SBNO2: variants seen among roughly 807,000 people sequenced by gnomAD.
SBNO2 encodes the protein strawberry notch homolog 2.
A neutral mutation model predicts 146.3 loss-of-function variants in SBNO2; 89 were observed. That is an observed-to-expected ratio of 0.61 (90% confidence interval 0.51 to 0.73). SBNO2 has a LOEUF of 0.73. Among genes scored for constraint, SBNO2 ranks in the 30% least tolerant of loss-of-function variants. The pLI is 0.00. For missense variants in SBNO2, 2,092 were observed against 2,003.7 expected, an observed-to-expected ratio of 1.04 and a Z score of -0.84; for synonymous variants, 1,147 against 892.6, an observed-to-expected ratio of 1.29 and a Z score of -5.08.
At position 1,171,303 on chromosome 19, in the gene SBNO2, C is replaced by T. The variant is rs548331234; in HGVS notation, c.-127+2869G>A. On this transcript the variant is annotated intron_variant, in intron 1 of 31. Coordinates refer to ENST00000361757, the MANE Select transcript of SBNO2 (RefSeq NM_014963.3). Reference sequence around the variant, plus strand: ...CCGTACGACGCACACACAGAATGCACGTGCGTACGTACAATGCACACAAAG... The same window carrying T: ...CCGTACGACGCACACACAGAATGCATGTGCGTACGTACAATGCACACAAAG... 7.9e-5 allele frequency among the ~76,000 whole-genome samples: 12 copies of T among 152,142 alleles called. No homozygotes were observed. In the East Asian group the frequency reaches 2.3e-3, roughly 29 times the overall value.
At chr19:1,127,542 T>C (rs762802653) in intron 5 of SBNO2, 62 bp downstream of exon 5, 1 of 1,516,200 alleles carries the variant, frequency 6.6e-7, no homozygotes. Context: ...ACCGTGTGGG[T>C]CCCGGGCTGG....
Position 1,108,510 on chromosome 19 carries a change from G to T in SBNO2, c.3811C>A (p.Pro1271Thr). 1 of 1,219,044 alleles carries T rather than the reference G, an allele frequency of 8.2e-7. No individual in the cohort carries two copies. The highest frequency in any genetic ancestry group is 1.0e-6 in the Non-Finnish European group (1 of 977,054). 75.5% of individuals were successfully genotyped at this position (1,219,044 alleles called of 1,614,324 possible). ...YSPPAEAFPP[P>T]PHFSFPAPLS... is the part of the protein sequence containing the mutation. ...GGCGCCGGGAAAGAGAAGTGCGGGG[G>T]CGGCGGGAAGGCCTCGGCCGGGGGG... Residue 1271 changes from proline to threonine, a missense_variant, in exon 32 of 32, where the codon CCC becomes ACC. Pro to Thr is a conservative substitution (Grantham distance 38). Transcript: ENST00000361757.
In SBNO2 at chr19:1,123,552, C is replaced by T. The variant is rs778405652; in HGVS notation, c.610G>A (p.Asp204Asn). 11 of 1,613,338 alleles carry T rather than the reference C, an allele frequency of 6.8e-6. No homozygotes were observed. Among genetic ancestry groups the T allele is most frequent in the African/African-American group, 2.7e-5 (2 of 74,904 alleles). The change falls in exon 7 of 32, where the codon GAC (aspartate) becomes AAC (asparagine). Residue 204 changes from aspartate to asparagine, a missense_variant. Coordinates refer to ENST00000361757, the MANE Select transcript of SBNO2 (RefSeq NM_014963.3). ...CACTCACACTTGGACGGCACGTAGTCGGCGTAGGTCTCTGTGTGCCCCAGC... is the reference window on the plus strand; with the variant it reads ...CACTCACACTTGGACGGCACGTAGTTGGCGTAGGTCTCTGTGTGCCCCAGC... ...EELGHTETYA[D>N]YVPSKSKIGK...
intron 13 of SBNO2, 46 bp downstream of exon 13, chr19:1,119,470 T>TCCCCCCCCCC: frequency 7.5e-7 from 1 of 1,333,212 alleles, no homozygotes; most frequent in Non-Finnish European, 1.1e-6. Context: ...TGAGGCCTCC[T>TCCCCCCCCCC]CCCCACCCCC....
intron 17 of SBNO2, 88 bp downstream of exon 17, chr19:1,115,933 G>A (rs1453896580): frequency 4.7e-6 from 5 of 1,064,452 alleles, no homozygotes; most frequent in Middle Eastern, 2.0e-4. Context: ...GGACGGGGGA[G>A]TGGGGGAAGC....
intron 2 of SBNO2, 95 bp downstream of exon 2, chr19:1,154,089 G>T: frequency 1.8e-6 from 1 of 548,380 alleles, no homozygotes; most frequent in Non-Finnish European, 2.7e-6. Flanking sequence ...GCGTCCACTG[G>T]GGCAGCATTC....
intron 1 of SBNO2, among the ~76,000 whole-genome samples, chr19:1,162,792 G>A (rs2080362080): frequency 1.3e-5 from 2 of 152,194 alleles, no homozygotes; most frequent in South Asian, 4.1e-4. Context: ...TAGCCCATGT[G>A]AGGACCCTGT....
At chr19:1,164,960 G>A (rs2080397943) in intron 1 of SBNO2, among the ~76,000 whole-genome samples, 1 of 151,702 alleles carries the variant, frequency 6.6e-6, no homozygotes, top group Non-Finnish European at 1.5e-5. Flanking sequence ...GGAACAGGAG[G>A]AGGAGGAGGA....
chr19:1,108,307 CCCCGCG>C lies in SBNO2; in HGVS notation c.4008_4013del (p.Ala1339_Gly1340del), dbSNP rs1599815969. 3 of 1,462,890 alleles carry C rather than the reference CCCCGCG, an allele frequency of 2.1e-6. No homozygotes were observed. The highest frequency in any genetic ancestry group is 1.3e-5 in the South Asian group (1 of 78,116). 90.6% of individuals were successfully genotyped at this position (1,462,890 alleles called of 1,614,324 possible). Reference sequence around the variant, plus strand: ...GACCACCGCCCGCCGCGCCCCCCGCCCCCGCGCCCTCCCCCAGCGCGCCCTCGGAGG... The same window carrying C: ...GACCACCGCCCGCCGCGCCCCCCGCCCCCTCCCCCAGCGCGCCCTCGGAGG... On this transcript the variant is annotated inframe_deletion, in exon 32 of 32. Transcript: ENST00000361757.
In SBNO2 at chr19:1,110,563, TGGGATGCCCGGCGTTCCCACGAGCCCC is replaced by T; in HGVS notation, c.3028+155_3028+181del. The T allele has an allele frequency of 4.0e-6, 2 of 504,404 alleles. No individual in the cohort carries two copies. Among genetic ancestry groups the T allele is most frequent in the Non-Finnish European group, 6.2e-6 (2 of 324,336 alleles). 31.2% of individuals were successfully genotyped at this position (504,404 alleles called of 1,614,324 possible). A position where few individuals can be genotyped will look rare whatever the true frequency, so the allele number is the denominator to read the frequency against. On this transcript the variant is annotated intron_variant, in intron 26 of 31. Transcript: ENST00000361757. The surrounding 1 kb of genome is among the most constrained non-coding windows in gnomAD (Gnocchi z 4.9). The stretch of plus-strand genomic sequence containing the variant: ...TGTTCCCACGAGCCCCGAGCCCACC[TGGGATGCCCGGCGTTCCCACGAGCCCC>T]TCGCCCACCCGGGATGCACGGTGTT...
Position 1,108,290 on chromosome 19 carries a change from C to A in SBNO2, c.4031G>T (p.Gly1344Val). 1 of 1,497,912 alleles carries A rather than the reference C, an allele frequency of 6.7e-7. No homozygotes were observed. The highest frequency in any genetic ancestry group is 8.9e-7 in the Non-Finnish European group (1 of 1,120,952). 92.8% of individuals were successfully genotyped at this position (1,497,912 alleles called of 1,614,324 possible). Reference sequence around the variant, plus strand: ...CACGCTCTGCCGCTCGGGACCACCGCCCGCCGCGCCCCCCGCCCCCGCGCC... The same window carrying A: ...CACGCTCTGCCGCTCGGGACCACCGACCGCCGCGCCCCCCGCCCCCGCGCC... ...GEGAGAGGAA[G>V]GGPERQSVIQ... is the part of the protein sequence containing the mutation. Residue 1344 changes from glycine to valine, a missense_variant, in exon 32 of 32, where the codon GGC (glycine) becomes GTC (valine). Gly to Val is a moderately radical substitution (Grantham distance 109). Coordinates refer to ENST00000361757, the MANE Select transcript of SBNO2 (RefSeq NM_014963.3).
chr19:1,142,379 C>T (rs972220927), intron 4 of SBNO2, among the ~76,000 whole-genome samples: 5 of 151,640 alleles, frequency 3.3e-5, no homozygotes, highest in African/African-American at 9.7e-5. Context: ...TGCCCGGGTC[C>T]ACGGCTCATC....
intron 19 of SBNO2, 96 bp downstream of exon 19, chr19:1,113,439 C>T: frequency 9.0e-7 from 1 of 1,112,466 alleles, no homozygotes; most frequent in Non-Finnish European, 1.2e-6. Context: ...CGCAGAGTGA[C>T]CAGCAGGGGC....
chr19:1,113,002 G>T (rs982282012), intron 19 of SBNO2, 53 bp from the exon 20 acceptor site: 42 of 1,511,212 alleles, frequency 2.8e-5, no homozygotes, highest in Non-Finnish European at 3.7e-5. Context: ...CCTCGCAGGA[G>T]TCTGGCCACC....
At chr19:1,122,610 TCCGCCCCCCACCCCCGCTC>T (rs2079915481) in intron 9 of SBNO2, 29 bp downstream of exon 9, 4 of 695,300 alleles carry the variant, frequency 5.8e-6, no homozygotes, top group African/African-American at 2.3e-5. Flanking sequence ...GCCCCCCGCT[TCCGCCCCCCACCCCCGCTC>T]CCGCCCCCTG....
chr19:1,154,348 G>T lies in SBNO2; in HGVS notation c.-72C>A, dbSNP rs2080269655. ...GACTCCAGGACCCGGGGCCGCCGGGGCGTCTATCTGGGCTTCTCGCTCCGT... is the reference window on the plus strand; with the variant it reads ...GACTCCAGGACCCGGGGCCGCCGGGTCGTCTATCTGGGCTTCTCGCTCCGT... On this transcript the variant is annotated 5_prime_UTR_variant, in exon 2 of 32. Transcript: ENST00000361757. The T allele has an allele frequency of 3.6e-6, 3 of 828,094 alleles. No individual in the cohort carries two copies. The highest frequency in any genetic ancestry group is 4.9e-6 in the Non-Finnish European group (3 of 618,268). The allele number at this position is 828,094 out of a possible 1,614,324, so 51.3% of individuals were successfully genotyped here. A position where few individuals can be genotyped will look rare whatever the true frequency, so the allele number is the denominator to read the frequency against.
intron 3 of SBNO2, among the ~76,000 whole-genome samples, chr19:1,148,188 G>C (rs879296249): frequency 2.0e-5 from 3 of 151,978 alleles, no homozygotes; most frequent in East Asian, 1.9e-4. Flanking sequence ...CGGAGGCCTT[G>C]GGTTGGAGGC....
Position 1,118,816 on chromosome 19 carries a change from G to T in SBNO2, c.1527+195C>A, listed in dbSNP as rs185258697. 2.6e-3 allele frequency among the ~76,000 whole-genome samples: 396 copies of T among 152,100 alleles called. 2 individuals carry two copies. Among genetic ancestry groups the T allele is most frequent in the Non-Finnish European group, 4.4e-3 (296 of 67,992 alleles). The stretch of plus-strand genomic sequence containing the variant: ...AAACCCAAGAGGCAGAGGTTGCAGT[G>T]AACTGAGATCACACCACAGCACTCC... On this transcript the variant is annotated intron_variant, in intron 14 of 31. Coordinates refer to ENST00000361757, the MANE Select transcript of SBNO2 (RefSeq NM_014963.3).
At chr19:1,116,771 G>C in intron 16 of SBNO2, 58 bp downstream of exon 16, 1 of 1,429,454 alleles carries the variant, frequency 7.0e-7, no homozygotes, top group Non-Finnish European at 9.5e-7. Flanking sequence ...GGTGGCCACA[G>C]AGAGGGGTGG....
Sources: allele counts gnomAD v4.1 joint callset (sites outside exome capture counted in the v4.1 genomes callset), GRCh38; gene constraint gnomAD v4.1.1; non-coding constraint Gnocchi (gnomAD v3.1); transcripts MANE v1.5; gene names NCBI Gene and HGNC (gene_info 2026-07-23, HGNC 2026-07-21).